The following RP1 variants were observed in gnomAD, a reference collection of about 807,000 sequenced individuals.
RP1 encodes oxygen-regulated protein 1.
A neutral mutation model predicts 14.8 loss-of-function variants in RP1; 16 were observed. That is an observed-to-expected ratio of 1.08 (90% CI 0.73 to 1.65). The LOEUF is 1.65. Among genes scored for constraint, RP1 ranks in the 40% most tolerant of loss-of-function variants. The pLI is 0.00. For missense variants in RP1, 2,631 were observed against 2,535.0 expected (o/e 1.04, Z -0.81); for synonymous variants, 876 against 883.6 (o/e 0.99, Z 0.15).
Position 54,642,754 on chromosome 8 carries a change from G to A in RP1, c.788-6231G>A, listed in dbSNP as rs968659913. 5.3e-5 allele frequency among the ~76,000 whole-genome samples: 8 copies of A among 152,216 alleles called. No individual in the cohort carries two copies. The East Asian group carries it at 1.3e-3, about 26-fold the overall frequency. On this transcript the variant is annotated intron_variant, in intron 3 of 22. Coordinates refer to the RP1 transcript ENST00000636932. ...ACAGGAGTAAAATAGTTACATTAAA[G>A]AATATGTGCATTGTAAAATTTCATA...
intron 21 of RP1, among the ~76,000 whole-genome samples, chr8:54,758,583 C>T (rs934071888): frequency 3.9e-5 from 6 of 152,108 alleles, no homozygotes; most frequent in Non-Finnish European, 8.8e-5. Flanking sequence ...GCGTGGTTGT[C>T]AACCTGATGC....
intron 26 of RP1, among the ~76,000 whole-genome samples, chr8:54,853,447 G>A (rs144685489): frequency 0.012 from 1,753 of 152,194 alleles, 15 homozygotes; most frequent in South Asian, 0.023. Flanking sequence ...TAGGACCAGA[G>A]CCACCAGACT....
At position 54,644,662 on chromosome 8, in the gene RP1, C is replaced by G. The variant is rs149342879; in HGVS notation, c.788-4323C>G. On this transcript the variant is annotated intron_variant, in intron 3 of 22. Coordinates refer to the RP1 transcript ENST00000636932. The stretch of plus-strand genomic sequence containing the variant: ...TCTAGAAAGCTTTAGGTATTTGTTA[C>G]AGCAGCACCCCACTTCTTATTACCA... 3.9e-4 allele frequency among the ~76,000 whole-genome samples: 60 copies of G among 152,320 alleles called. No homozygotes were observed. In the East Asian group the frequency reaches 0.011, roughly 28 times the overall value.
At chr8:54,584,405 A>G (rs545146120) in intron 1 of RP1, among the ~76,000 whole-genome samples, 2 of 152,250 alleles carry the variant, frequency 1.3e-5, no homozygotes, top group South Asian at 4.1e-4. Flanking sequence ...TTTGCTCAGG[A>G]GTGCTTTACT....
chr8:54,737,006 A>G (rs1808948721), intron 18 of RP1, among the ~76,000 whole-genome samples: 1 of 152,118 alleles, frequency 6.6e-6, no homozygotes, highest in Non-Finnish European at 1.5e-5. Flanking sequence ...TTTCATTGGC[A>G]TCATTTGCCA....
At chr8:54,663,771 C>T (rs1385385938) in exon 7 of RP1, 2 of 1,535,036 alleles carry the variant, frequency 1.3e-6, no homozygotes, top group Non-Finnish European at 1.7e-6. Flanking sequence ...GTCTACATTT[C>T]TATCCATGGG....
At chr8:54,693,103 G>T (rs1208107736) in intron 12 of RP1, among the ~76,000 whole-genome samples, 2 of 152,060 alleles carry the variant, frequency 1.3e-5, no homozygotes, top group African/African-American at 2.4e-5. Flanking sequence ...GTTTTTGTCA[G>T]GTTTGTCAAA....
At chr8:54,737,610 C>T (rs1808965030) in intron 18 of RP1, among the ~76,000 whole-genome samples, 1 of 152,056 alleles carries the variant, frequency 6.6e-6, no homozygotes, top group Admixed American at 6.6e-5. Flanking sequence ...GGGAAATTGG[C>T]TGTTGGGGAT....
intron 24 of RP1, among the ~76,000 whole-genome samples, chr8:54,808,832 A>T (rs16920790): frequency 0.029 from 4,460 of 152,286 alleles, 211 homozygotes; most frequent in African/African-American, 0.1. Flanking sequence ...CTACTATGTT[A>T]CTAGAGTAGC....
chr8:54,701,751 T>C (rs1250921790), intron 14 of RP1: 1 of 1,212,532 alleles, frequency 8.2e-7, no homozygotes. Context: ...TGAGTCATAA[T>C]GCAGTAATCG....
chr8:54,707,946 C>A (rs1808189678), intron 15 of RP1, among the ~76,000 whole-genome samples: 2 of 152,176 alleles, frequency 1.3e-5, no homozygotes, highest in Admixed American at 6.5e-5. Flanking sequence ...GGTAAGTGGA[C>A]TAATTGGGAT....
At chr8:54,762,487 G>T (rs1809663850) in intron 22 of RP1, among the ~76,000 whole-genome samples, 1 of 152,132 alleles carries the variant, frequency 6.6e-6, no homozygotes. Context: ...TCTGTCTTTT[G>T]TACATTTAAT....
chr8:54,694,773 C>T (rs556643659), intron 12 of RP1, among the ~76,000 whole-genome samples: 3 of 152,118 alleles, frequency 2.0e-5, no homozygotes, highest in Non-Finnish European at 4.4e-5. Flanking sequence ...AAAACCACCT[C>T]CTGGATTCAT....
At chr8:54,790,031 TGCCTAATCATAAGTCCAAGCAGCA>T (rs1363355775) in intron 24 of RP1, among the ~76,000 whole-genome samples, 5 of 152,162 alleles carry the variant, frequency 3.3e-5, no homozygotes, top group African/African-American at 1.2e-4. Context: ...CCTATAGCCC[TGCCTAATCATAAGTCCAAGCAGCA>T]GCACTTCTTG....
At chr8:54,723,773 A>G (rs1004622521) in intron 16 of RP1, among the ~76,000 whole-genome samples, 2 of 152,226 alleles carry the variant, frequency 1.3e-5, no homozygotes, top group African/African-American at 4.8e-5. Context: ...GATCAATATA[A>G]CATGTAACTT....
intron 12 of RP1, among the ~76,000 whole-genome samples, chr8:54,690,503 T>C (rs974422234): frequency 6.6e-6 from 1 of 152,006 alleles, no homozygotes; most frequent in Non-Finnish European, 1.5e-5. Flanking sequence ...GTGCTCTAAA[T>C]TGGGTATTGT....
chr8:54,606,480 T>C (rs1227349894), intron 1 of RP1, among the ~76,000 whole-genome samples: 2 of 152,118 alleles, frequency 1.3e-5, no homozygotes, highest in South Asian at 2.1e-4. Context: ...TTAACATTTA[T>C]TCCTTCATTT....
chr8:54,759,457 G>A (rs973148867), intron 22 of RP1, among the ~76,000 whole-genome samples: 16 of 152,088 alleles, frequency 1.1e-4, no homozygotes, highest in Non-Finnish European at 1.8e-4. Context: ...ATATTACAGA[G>A]AAGAACTTTC....
intron 1 of RP1, among the ~76,000 whole-genome samples, chr8:54,618,380 C>G (rs1256062496): frequency 6.6e-6 from 1 of 152,130 alleles, no homozygotes; most frequent in East Asian, 1.9e-4. Flanking sequence ...AACCGACAAA[C>G]AAAACTACCC....
Sources: allele counts gnomAD v4.1 joint callset (sites outside exome capture counted in the v4.1 genomes callset), GRCh38; gene constraint gnomAD v4.1.1; transcripts MANE v1.5; gene names NCBI Gene and HGNC (gene_info 2026-07-23, HGNC 2026-07-21).